Variants in KCND2 observed in about 807,000 individuals in gnomAD.
The protein encoded by KCND2 is potassium voltage-gated channel subfamily D member 2, also known as A-type voltage-gated potassium channel KCND2.
KCND2 carries 16 observed loss-of-function variants against 54.4 expected under a neutral mutation model. The observed-to-expected ratio is 0.29, with a 90% CI of 0.20 to 0.45. The LOEUF is 0.45. Among genes scored for constraint, KCND2 ranks in the 20% least tolerant of loss-of-function variants. KCND2 has a pLI of 1.00. For synonymous variants in KCND2, 317 were observed against 310.7 expected (o/e 1.02, Z -0.21); for missense variants, 486 against 824.2 (o/e 0.59, Z 5.02).
chr7:120,376,627 C>G (rs1007302099), intron 1 of KCND2, among the ~76,000 whole-genome samples: 1 of 150,816 alleles, frequency 6.6e-6, no homozygotes, highest in African/African-American at 2.4e-5. Flanking sequence ...CTAAACTTAC[C>G]CTCTTTGAAA....
intron 1 of KCND2, among the ~76,000 whole-genome samples, chr7:120,597,070 G>A (rs1792754782): frequency 6.6e-6 from 1 of 152,112 alleles, no homozygotes; most frequent in Non-Finnish European, 1.5e-5. Context: ...TTCTTCCTGG[G>A]TTACAAAGTG....
At chr7:120,364,909 T>C (rs1800645012) in intron 1 of KCND2, among the ~76,000 whole-genome samples, 1 of 152,022 alleles carries the variant, frequency 6.6e-6, no homozygotes, top group South Asian at 2.1e-4. Context: ...TTCAGAAGCC[T>C]AACTAAAGTT....
intron 1 of KCND2, among the ~76,000 whole-genome samples, chr7:120,383,681 TG>T (rs1439369426): frequency 6.6e-6 from 1 of 152,138 alleles, no homozygotes; most frequent in African/African-American, 2.4e-5. Context: ...TAAATATGTC[TG>T]TATACACCTC....
rs116785572 is a variant in KCND2, at chr7:120,743,521, C to T, written c.1467+919C>T. ...CAGGGCTGTTACTGGAAAAGAGCAG[C>T]GAACATGGAAAGCAACAACGGTGCC... is the stretch of plus-strand genomic sequence containing the variant. On this transcript the variant is annotated intron_variant, in intron 4 of 5. Transcript: ENST00000331113. Among the ~76,000 whole-genome samples the T allele has an allele frequency of 3.7e-3, 566 of 152,136 alleles. 2 individuals are homozygous for T. Among genetic ancestry groups the T allele is most frequent in the African/African-American group, 0.013 (544 of 41,488 alleles).
intron 1 of KCND2, among the ~76,000 whole-genome samples, chr7:120,339,369 G>A (rs1800205559): frequency 6.6e-6 from 1 of 151,828 alleles, no homozygotes; most frequent in Non-Finnish European, 1.5e-5. Context: ...ATGCATTGTT[G>A]GATTATACCA....
At chr7:120,699,376 G>A (rs928746481) in intron 1 of KCND2, among the ~76,000 whole-genome samples, 2 of 152,084 alleles carry the variant, frequency 1.3e-5, no homozygotes, top group African/African-American at 4.8e-5. Context: ...TTATTCCAAA[G>A]CATTTCTTGA....
rs1793028338 is a variant in KCND2 at position 120,748,086 on chromosome 7, T to C, written c.*228T>C. On this transcript the variant is annotated 3_prime_UTR_variant, in exon 6 of 6. Coordinates refer to ENST00000331113, the MANE Select transcript of KCND2 (RefSeq NM_012281.3). The stretch of plus-strand genomic sequence containing the variant: ...GTAATATTCTGTGGCCCTTTGACTT[T>C]GTGAATGAGCACAATGAAATGCCGC... 2.5e-6 allele frequency: 1 copy of C among 397,832 alleles called. No homozygotes were observed. Among genetic ancestry groups the C allele is most frequent in the Non-Finnish European group, 4.5e-6 (1 of 220,004 alleles). 24.6% of individuals were successfully genotyped at this position (397,832 alleles called of 1,614,324 possible).
intron 1 of KCND2, among the ~76,000 whole-genome samples, chr7:120,292,419 T>TAAGTGA (rs1799448782): frequency 6.6e-6 from 1 of 151,948 alleles, no homozygotes. Flanking sequence ...TAGTGACATG[T>TAAGTGA]TTCACAGATA....
chr7:120,627,035 G>T (rs909451417), intron 1 of KCND2, among the ~76,000 whole-genome samples: 2 of 152,080 alleles, frequency 1.3e-5, no homozygotes, highest in African/African-American at 2.4e-5. Flanking sequence ...TCCCATTTGT[G>T]CACAGTATGG....
chr7:120,418,555 C>T (rs1285786433), intron 1 of KCND2, among the ~76,000 whole-genome samples: 1 of 152,110 alleles, frequency 6.6e-6, no homozygotes, highest in Non-Finnish European at 1.5e-5. Flanking sequence ...TTTAGAAATA[C>T]TCATTACTCA....
intron 1 of KCND2, among the ~76,000 whole-genome samples, chr7:120,376,161 A>G (rs1438959780): frequency 6.6e-6 from 1 of 151,842 alleles, no homozygotes; most frequent in East Asian, 1.9e-4. Flanking sequence ...TGAAACTATT[A>G]AAGATAATCA....
In KCND2 at chr7:120,713,896, A is replaced by T. The variant is rs1792571230; in HGVS notation, c.1116-19007A>T. 2.0e-5 allele frequency among the ~76,000 whole-genome samples: 3 copies of T among 152,288 alleles called. No homozygotes were observed. In the South Asian group the frequency reaches 6.2e-4, roughly 32 times the overall value. The stretch of plus-strand genomic sequence containing the variant: ...TGGTTTGGCTTAATTTTTCTGGAAT[A>T]TCAGAAGCAAATTCAGATATAGCAG... On this transcript the variant is annotated intron_variant, in intron 1 of 5. Transcript: ENST00000331113.
chr7:120,282,609 C>T (rs1336052531), intron 1 of KCND2, among the ~76,000 whole-genome samples: 1 of 152,008 alleles, frequency 6.6e-6, no homozygotes, highest in Non-Finnish European at 1.5e-5. Context: ...GAAAAAATAA[C>T]ATTGAAAGAG....
At chr7:120,486,671 G>A (rs996087008) in intron 1 of KCND2, among the ~76,000 whole-genome samples, 1 of 151,750 alleles carries the variant, frequency 6.6e-6, no homozygotes, top group Non-Finnish European at 1.5e-5. Flanking sequence ...TTCTCTGTCT[G>A]GTTGACTTGT....
At chr7:120,742,682 G>A in intron 4 of KCND2, 80 bp downstream of exon 4, 3 of 1,084,788 alleles carry the variant, frequency 2.8e-6, no homozygotes, top group Admixed American at 1.7e-5. Flanking sequence ...ATGCTTCCGA[G>A]TGTGATTTCA....
chr7:120,321,201 A>G (rs1053456920), intron 1 of KCND2, among the ~76,000 whole-genome samples: 6 of 152,340 alleles, frequency 3.9e-5, no homozygotes, highest in Non-Finnish European at 8.8e-5. Context: ...AAATACTAAG[A>G]AGTAAACTAA....
chr7:120,395,709 A>G (rs564099675), intron 1 of KCND2, among the ~76,000 whole-genome samples: 1 of 152,184 alleles, frequency 6.6e-6, no homozygotes, highest in East Asian at 1.9e-4. Flanking sequence ...CCAGAATCAT[A>G]TAAGGTAACT....
chr7:120,686,087 T>C (rs1792197606), intron 1 of KCND2, among the ~76,000 whole-genome samples: 1 of 152,186 alleles, frequency 6.6e-6, no homozygotes, highest in Non-Finnish European at 1.5e-5. Context: ...CCTAAGGATA[T>C]TTAAATGGAA....
At position 120,274,591 on chromosome 7, in the gene KCND2, G is replaced by A; in HGVS notation, c.-42G>A. ...CTTTTGGCTGCTTCGGTGACCCATT[G>A]TAGACGCCTCGTTACCCTTCTTCCT... On this transcript the variant is annotated 5_prime_UTR_variant, in exon 1 of 6. Coordinates refer to ENST00000331113, the MANE Select transcript of KCND2 (RefSeq NM_012281.3). The A allele has an allele frequency of 6.2e-7, 1 of 1,613,840 alleles. No homozygotes were observed.
Sources: allele counts gnomAD v4.1 joint callset (sites outside exome capture counted in the v4.1 genomes callset), GRCh38; gene constraint gnomAD v4.1.1; transcripts MANE v1.5; gene names NCBI Gene and HGNC (gene_info 2026-07-23, HGNC 2026-07-21).